The following PLCH2 variants were observed in gnomAD, a reference collection of about 807,000 sequenced individuals.
PLCH2 encodes the protein phospholipase C eta 2, also known as 1-phosphatidylinositol 4,5-bisphosphate phosphodiesterase eta-2.
In PLCH2, 98 loss-of-function variants were observed where a neutral mutation model predicts 134.7. The observed-to-expected ratio is 0.73, with a 90% CI of 0.62 to 0.86. The LOEUF (loss-of-function observed/expected upper bound fraction) is 0.86, where lower values mean the gene tolerates loss of function less well. Ranked by LOEUF, PLCH2 falls within the 40% of genes least tolerant of loss-of-function variation. PLCH2 has a pLI of 0.00. For missense variants in PLCH2, 1,994 were observed against 1,986.6 expected (o/e 1.00, Z -0.07); for synonymous variants, 974 against 827.5 (o/e 1.18, Z -3.04).
At chr1:2,450,609 GGCCTGCCCTCCAACTCCAA>G in intron 2 of PLCH2, among the ~76,000 whole-genome samples, 1 of 67,856 alleles carries the variant, frequency 1.5e-5, no homozygotes, top group East Asian at 5.1e-4. Flanking sequence ...CCCCCCACTC[GGCCTGCCCTCCAACTCCAA>G]CTCCCCCCCT....
chr1:2,480,055 T>C, intron 3 of PLCH2, 78 bp downstream of exon 3: 1 of 1,580,448 alleles, frequency 6.3e-7, no homozygotes, highest in Non-Finnish European at 8.6e-7. Flanking sequence ...GGCCTGTCCT[T>C]TGCCGGGTCA....
chr1:2,497,534 C>G lies in PLCH2; in HGVS notation c.2149C>G (p.Leu717Val). The G allele has an allele frequency of 6.4e-7, 1 of 1,559,892 alleles. No homozygotes were observed. Among genetic ancestry groups the G allele is most frequent in the Non-Finnish European group, 8.7e-7 (1 of 1,152,382 alleles). The change falls in exon 16 of 22, where the codon CTG (leucine) becomes GTG (valine). Residue 717 changes from leucine to valine, a missense_variant. Transcript: ENST00000378486. ...ALNYQSEGRMLQLNRAKFSAN... is the reference protein window; with the variant it reads ...ALNYQSEGRMVQLNRAKFSAN... ...GAACTACCAGTCAGAGGGGCGGATG[C>G]TGCAGCTGAACCGAGCCAAGTTCAG...
chr1:2,505,221 T>G lies in PLCH2; in HGVS notation c.*8T>G. On this transcript the variant is annotated 3_prime_UTR_variant, in exon 22 of 22. Coordinates refer to ENST00000378486, the MANE Select transcript of PLCH2 (RefSeq NM_014638.4). Reference sequence around the variant, plus strand: ...GTCCTGCTCCGCCTCTGACCGTCAGTGGTGGGAACCTGGGCGGCTCTGGAG... The same window carrying G: ...GTCCTGCTCCGCCTCTGACCGTCAGGGGTGGGAACCTGGGCGGCTCTGGAG... 6.4e-7 allele frequency: 1 copy of G among 1,563,208 alleles called. No homozygotes were observed. The highest frequency in any genetic ancestry group is 2.3e-5 in the East Asian group (1 of 42,656).
At chr1:2,418,843 T>C in the PLCH2 span, among the ~76,000 whole-genome samples, 1 of 152,184 alleles carries the variant, frequency 6.6e-6, no homozygotes, top group Non-Finnish European at 1.5e-5. Context: ...TGGCTGCTGA[T>C]CTCCCAGTGC....
At chr1:2,502,022 G>A (rs1484462483) in intron 20 of PLCH2, 90 bp from the exon 21 acceptor site, 25 of 1,218,992 alleles carry the variant, frequency 2.1e-5, no homozygotes, top group African/African-American at 1.1e-4. Context: ...TGGCACGTCT[G>A]TGGCACGGTC....
Position 2,502,410 on chromosome 1 carries a change from G to GT in PLCH2, c.2959+2dup, listed in dbSNP as rs1181466578. On this transcript the variant is annotated splice_donor_variant, in intron 21 of 21. Transcript: ENST00000378486. LOFTEE classifies it high-confidence loss of function. ...GGGCCCGGCAGCGGCAGCCCCCGAGGTAAGGCGCCAGCTGCGGTGGCAGAG... is the reference window on the plus strand; with the variant it reads ...GGGCCCGGCAGCGGCAGCCCCCGAGGTTAAGGCGCCAGCTGCGGTGGCAGAG... 6.5e-7 allele frequency: 1 copy of GT among 1,543,984 alleles called. No homozygotes were observed. The highest frequency in any genetic ancestry group is 1.4e-5 in the African/African-American group (1 of 72,910).
chr1:2,505,519 C>T lies in PLCH2; in HGVS notation c.*306C>T, dbSNP rs2100757645. 2.3e-6 allele frequency: 1 copy of T among 428,460 alleles called. No individual in the cohort carries two copies. Among genetic ancestry groups the T allele is most frequent in the South Asian group, 3.1e-5 (1 of 32,062 alleles). The allele number at this position is 428,460 out of a possible 1,614,324, so 26.5% of individuals were successfully genotyped here. ...AACTTATACAACATTAAAATGATAC[C>T]AAGTCCCTTTCCATTTTTACCTGGT... On this transcript the variant is annotated 3_prime_UTR_variant, in exon 22 of 22. Transcript: ENST00000378486.
In PLCH2 at chr1:2,489,682, C is replaced by T. The variant is rs12064950; in HGVS notation, c.1408-78C>T. On this transcript the variant is annotated intron_variant, in intron 9 of 21. Transcript: ENST00000378486. Reference sequence around the variant, plus strand: ...AGAAAAGGCCCCTCTCCTTGGCCGGCGGCTCTTTGTGGGTGCCAGGTACTG... The same window carrying T: ...AGAAAAGGCCCCTCTCCTTGGCCGGTGGCTCTTTGTGGGTGCCAGGTACTG... The T allele has an allele frequency of 9.0e-3, 10,447 of 1,167,030 alleles. 136 individuals carry two copies. Among genetic ancestry groups the T allele is most frequent in the South Asian group, 0.036 (2,895 of 80,426 alleles). 72.3% of individuals were successfully genotyped at this position (1,167,030 alleles called of 1,614,324 possible). A position where few individuals can be genotyped will look rare whatever the true frequency, so the allele number is the denominator to read the frequency against.
chr1:2,451,189 C>G (rs1640206363), intron 2 of PLCH2, among the ~76,000 whole-genome samples: 1 of 152,174 alleles, frequency 6.6e-6, no homozygotes, highest in Non-Finnish European at 1.5e-5. Context: ...TCCACGTCAA[C>G]AAGGTGCCGG....
At chr1:2,430,360 A>C (rs139407371) in exon 2 of PLCH2, 2,410 of 152,454 alleles carry the variant, frequency 0.016, 31 homozygotes, top group Middle Eastern at 0.037. Flanking sequence ...CTGCTGGCCC[A>C]GGCTACACCC....
chr1:2,423,220 C>T (rs1309788432), upstream of PLCH2, among the ~76,000 whole-genome samples: 2 of 152,138 alleles, frequency 1.3e-5, no homozygotes, highest in Non-Finnish European at 2.9e-5. Context: ...CAAGGTCTTG[C>T]TCTGTCCCCC....
chr1:2,496,699 T>G lies in PLCH2; in HGVS notation c.1928T>G (p.Met643Arg), dbSNP rs759888189. 3.7e-6 allele frequency: 6 copies of G among 1,611,880 alleles called. No homozygotes were observed. Among genetic ancestry groups the G allele is most frequent in the Non-Finnish European group, 5.1e-6 (6 of 1,179,398 alleles). Residue 643 changes from methionine to arginine, a missense_variant, in exon 14 of 22, where the codon ATG becomes AGG. Met to Arg is a moderately conservative substitution (Grantham distance 91). This residue lies in a region of PLCH2 where 1,094 missense variants were observed against 1,234.3 expected (regional missense o/e 0.89). Transcript: ENST00000378486. Reference sequence around the variant, plus strand: ...TCCGTGGCCACCCACGACATAGAGATGGAGGGTGAGTGGCTCGGGGACCTG... The same window carrying G: ...TCCGTGGCCACCCACGACATAGAGAGGGAGGGTGAGTGGCTCGGGGACCTG... Reference protein sequence around the residue: ...TKSVATHDIEMEAASSWQVSS... With the variant: ...TKSVATHDIEREAASSWQVSS...
chr1:2,435,239 G>A (rs982338126), intron 2 of PLCH2, among the ~76,000 whole-genome samples: 6 of 152,290 alleles, frequency 3.9e-5, no homozygotes, highest in South Asian at 2.1e-4. Context: ...TGTCACCTGC[G>A]GACAGTGAGC....
chr1:2,502,410 G>C lies in PLCH2; in HGVS notation c.2959+1G>C, dbSNP rs747830299. The C allele has an allele frequency of 6.5e-7, 1 of 1,544,102 alleles. No homozygotes were observed. The highest frequency in any genetic ancestry group is 8.7e-7 in the Non-Finnish European group (1 of 1,146,078). The stretch of plus-strand genomic sequence containing the variant: ...GGGCCCGGCAGCGGCAGCCCCCGAG[G>C]TAAGGCGCCAGCTGCGGTGGCAGAG... On this transcript the variant is annotated splice_donor_variant, in intron 21 of 21. Transcript: ENST00000378486. LOFTEE classifies it high-confidence loss of function.
chr1:2,502,349 G>T lies in PLCH2; in HGVS notation c.2899G>T (p.Gly967Trp). ...KGVADDVVPP[G>W]PGPAPEAPAQ... ...GGTGGCAGACGATGTGGTGCCCCCC[G>T]GGCCCGGACCTGCTCCGGAAGCCCC... Residue 967 changes from glycine (G) to tryptophan (W), a missense_variant, in exon 21 of 22, where the codon GGG (glycine) becomes TGG (tryptophan). By Grantham distance (184) the Gly-to-Trp change is radical. Coordinates refer to ENST00000378486, the MANE Select transcript of PLCH2 (RefSeq NM_014638.4). 6 of 1,538,080 alleles carry T rather than the reference G, an allele frequency of 3.9e-6. No individual in the cohort carries two copies. Among genetic ancestry groups the T allele is most frequent in the East Asian group, 2.5e-5 (1 of 40,784 alleles).
upstream of PLCH2, among the ~76,000 whole-genome samples, chr1:2,475,171 G>A (rs1641547017): frequency 6.6e-6 from 1 of 152,196 alleles, no homozygotes; most frequent in Admixed American, 6.5e-5. Flanking sequence ...CTCAGGGACT[G>A]CCACCTCCCA....
intron 2 of PLCH2, among the ~76,000 whole-genome samples, chr1:2,438,331 T>C (rs371448498): frequency 9.8e-5 from 15 of 152,310 alleles, no homozygotes; most frequent in African/African-American, 3.6e-4. Context: ...CCAGTGTCCC[T>C]GGGTCCCACC....
chr1:2,485,756 C>A (rs572746505), intron 5 of PLCH2, among the ~76,000 whole-genome samples: 1 of 152,090 alleles, frequency 6.6e-6, no homozygotes, highest in Non-Finnish European at 1.5e-5. Flanking sequence ...GGTCTGAGGG[C>A]GAGGATGGGA....
upstream of PLCH2, among the ~76,000 whole-genome samples, chr1:2,475,172 C>T (rs950902548): frequency 4.6e-5 from 7 of 152,190 alleles, no homozygotes; most frequent in Non-Finnish European, 8.8e-5. Context: ...TCAGGGACTG[C>T]CACCTCCCAC....
Sources: gnomAD v4.1 joint callset for allele counts (sites outside exome capture counted in the v4.1 genomes callset) on GRCh38, gnomAD v4.1.1 for gene constraint, gnomAD v4.1.1 regional missense constraint, MANE v1.5 for transcripts, NCBI Gene and HGNC (gene_info 2026-07-23, HGNC 2026-07-21) for gene names.